The following MAGI1 variants were observed in gnomAD, a reference collection of about 807,000 sequenced individuals.
The protein encoded by MAGI1 is membrane-associated guanylate kinase, WW and PDZ domain-containing protein 1.
In MAGI1, 58 loss-of-function variants were observed where a neutral mutation model predicts 139.9. That is an observed-to-expected ratio of 0.41 (90% CI 0.34 to 0.52). The LOEUF (loss-of-function observed/expected upper bound fraction) is 0.52. MAGI1 is among the 20% of genes least tolerant of loss of function. The probability of loss-of-function intolerance (pLI) is 0.12; values close to 1 mark genes in which losing one functional copy is unlikely to be tolerated. For synonymous variants in MAGI1, 812 were observed against 737.9 expected, an observed-to-expected ratio of 1.10 and a Z score of -1.63; for missense variants, 1,874 against 1,901.6, an observed-to-expected ratio of 0.99 and a Z score of 0.27.
At position 65,430,786 on chromosome 3, in the gene MAGI1, C is replaced by T. The variant is rs1033617536; in HGVS notation, c.1459G>A (p.Val487Ile). The T allele has an allele frequency of 3.1e-6, 5 of 1,613,654 alleles. No homozygotes were observed. In the African/African-American group the frequency reaches 5.3e-5, roughly 17 times the overall value. ...KSSRGFGFTV[V>I]GGDEPDEFLQ... ...AACTCATCAGGTTCATCCCCTCCAA[C>T]CACCGTGAAGCCAAAGCCACGACTG... is the stretch of plus-strand genomic sequence containing the variant. Residue 487 changes from valine to isoleucine, a missense_variant, in exon 11 of 23, where the codon GTT becomes ATT. By Grantham distance (29) the Val-to-Ile change is conservative. Around this residue, in one of 5 missense-constraint regions of MAGI1, gnomAD observed 86 missense variants for 130.0 expected, o/e 0.66. Coordinates refer to ENST00000402939, the MANE Select transcript of MAGI1 (RefSeq NM_001033057.2).
intron 1 of MAGI1, among the ~76,000 whole-genome samples, chr3:65,652,118 G>T (rs533181286): frequency 6.6e-6 from 1 of 152,110 alleles, no homozygotes; most frequent in South Asian, 2.1e-4. Flanking sequence ...TTTTATTATC[G>T]TGTCTAGACT....
intron 1 of MAGI1, among the ~76,000 whole-genome samples, chr3:65,916,260 G>T (rs896295739): frequency 1.3e-5 from 2 of 152,028 alleles, no homozygotes; most frequent in African/African-American, 4.8e-5. Context: ...GTAGAGACGG[G>T]GTTTCGCCAT....
intron 2 of MAGI1, among the ~76,000 whole-genome samples, chr3:65,495,742 G>A (rs1473246883): frequency 6.6e-6 from 1 of 152,164 alleles, no homozygotes; most frequent in Non-Finnish European, 1.5e-5. Flanking sequence ...GAGCAAGGGA[G>A]AAGTAGGGAA....
chr3:65,530,702 C>CAT (rs1241588923), intron 2 of MAGI1, among the ~76,000 whole-genome samples: 1 of 118,598 alleles, frequency 8.4e-6, no homozygotes, highest in Non-Finnish European at 1.7e-5. Context: ...TATATATACA[C>CAT]ATATACACGT....
chr3:65,914,680 TA>T (rs1405354159), intron 1 of MAGI1, among the ~76,000 whole-genome samples: 4 of 152,364 alleles, frequency 2.6e-5, no homozygotes, highest in Admixed American at 2.0e-4. Flanking sequence ...GACAAATGCC[TA>T]ATAAGCATAT....
At chr3:65,704,349 C>A (rs912572987) in intron 1 of MAGI1, among the ~76,000 whole-genome samples, 3 of 152,140 alleles carry the variant, frequency 2.0e-5, no homozygotes, top group Admixed American at 2.0e-4. Context: ...GAGCACCAGC[C>A]CCAAGTGTCA....
At chr3:66,018,113 T>TGCGGG in intron 1 of MAGI1, among the ~76,000 whole-genome samples, 1 of 57,654 alleles carries the variant, frequency 1.7e-5, no homozygotes, top group East Asian at 1.1e-3. Context: ...GACACTTTGG[T>TGCGGG]GGGGGGGGGG....
At chr3:65,776,310 T>C (rs2038419726) in intron 1 of MAGI1, among the ~76,000 whole-genome samples, 1 of 150,846 alleles carries the variant, frequency 6.6e-6, no homozygotes, top group African/African-American at 2.4e-5. Flanking sequence ...CTACTCTCAA[T>C]TGTTTTTTTA....
At chr3:65,557,895 T>C (rs935575238) in intron 2 of MAGI1, among the ~76,000 whole-genome samples, 1 of 152,188 alleles carries the variant, frequency 6.6e-6, no homozygotes, top group Admixed American at 6.5e-5. Context: ...CAGTAATTAA[T>C]AGAAGATAAC....
chr3:65,721,204 C>T (rs2032977035), intron 1 of MAGI1, among the ~76,000 whole-genome samples: 1 of 152,180 alleles, frequency 6.6e-6, no homozygotes, highest in Non-Finnish European at 1.5e-5. Flanking sequence ...GGAATTCTGA[C>T]TCCAGGGTAT....
At chr3:65,512,693 C>G (rs1398775869) in intron 2 of MAGI1, among the ~76,000 whole-genome samples, 1 of 148,888 alleles carries the variant, frequency 6.7e-6, no homozygotes, top group African/African-American at 2.4e-5. Context: ...GAGTCCAGGA[C>G]CAGATGGATT....
intron 1 of MAGI1, among the ~76,000 whole-genome samples, chr3:65,881,947 G>C (rs1193375406): frequency 6.6e-6 from 1 of 152,202 alleles, no homozygotes; most frequent in Non-Finnish European, 1.5e-5. Flanking sequence ...GTCAAGAGGA[G>C]ATCAAGTTCT....
intron 1 of MAGI1, among the ~76,000 whole-genome samples, chr3:66,007,665 G>C (rs1253167327): frequency 6.6e-6 from 1 of 152,164 alleles, no homozygotes; most frequent in East Asian, 1.9e-4. Flanking sequence ...ATTTATCAAG[G>C]GAACTGGTAG....
intron 1 of MAGI1, among the ~76,000 whole-genome samples, chr3:66,030,215 G>A (rs185568656): frequency 4.6e-5 from 7 of 152,264 alleles, no homozygotes; most frequent in Non-Finnish European, 4.4e-5. Context: ...CTCTATTTTA[G>A]CCCCAGCCAT....
chr3:65,685,733 T>C (rs935767575), intron 1 of MAGI1, among the ~76,000 whole-genome samples: 7 of 152,130 alleles, frequency 4.6e-5, no homozygotes, highest in African/African-American at 1.7e-4. Flanking sequence ...TCAGGAAAAC[T>C]GAACTTCAGA....
intron 2 of MAGI1, among the ~76,000 whole-genome samples, chr3:65,536,559 CT>C (rs1399628060): frequency 2.0e-5 from 3 of 152,096 alleles, no homozygotes; most frequent in Non-Finnish European, 4.4e-5. Context: ...TAGAAATGCA[CT>C]GTTTCAGTCT....
At chr3:65,415,919 T>G (rs539003689) in intron 12 of MAGI1, among the ~76,000 whole-genome samples, 1 of 152,258 alleles carries the variant, frequency 6.6e-6, no homozygotes, top group Non-Finnish European at 1.5e-5. Flanking sequence ...GATTTGCAGA[T>G]GCAGACAAAC....
chr3:65,735,799 C>T (rs535073930), intron 1 of MAGI1, among the ~76,000 whole-genome samples: 2 of 152,178 alleles, frequency 1.3e-5, no homozygotes, highest in Non-Finnish European at 2.9e-5. Flanking sequence ...TGCCAATACA[C>T]ATATATTAAC....
At chr3:65,515,404 C>T (rs112826452) in intron 2 of MAGI1, among the ~76,000 whole-genome samples, 1 of 151,846 alleles carries the variant, frequency 6.6e-6, no homozygotes, top group East Asian at 1.9e-4. Flanking sequence ...ATAAGCAAAA[C>T]AGAAAATGAA....
Sources: allele counts gnomAD v4.1 joint callset (sites outside exome capture counted in the v4.1 genomes callset), GRCh38; gene constraint gnomAD v4.1.1; regional missense constraint gnomAD v4.1.1; transcripts MANE v1.5; gene names NCBI Gene and HGNC (gene_info 2026-07-23, HGNC 2026-07-21).